WIPF1: variants seen among roughly 807,000 people sequenced by gnomAD.
WIPF1 encodes WAS/WASL-interacting protein family member 1.
In WIPF1, 13 loss-of-function variants were observed where a neutral mutation model predicts 35.4. The ratio of observed to expected loss-of-function variants is 0.37; its 90% CI spans 0.24 to 0.58. WIPF1 has a LOEUF of 0.58. Among genes scored for constraint, WIPF1 ranks in the 20% least tolerant of loss-of-function variants. The pLI is 0.74. For missense variants in WIPF1, 591 were observed against 667.0 expected, an observed-to-expected ratio of 0.89 and a Z score of 1.25; for synonymous variants, 267 against 266.3, an observed-to-expected ratio of 1.00 and a Z score of -0.02.
chr2:174,672,241 T>C (rs1688033131), intron 1 of WIPF1, among the ~76,000 whole-genome samples: 1 of 152,228 alleles, frequency 6.6e-6, no homozygotes, highest in South Asian at 2.1e-4. Flanking sequence ...TATGCACTAA[T>C]ACAGAATAAA....
intron 2 of WIPF1, among the ~76,000 whole-genome samples, chr2:174,583,524 C>A (rs555036918): frequency 5.3e-5 from 8 of 152,194 alleles, no homozygotes; most frequent in Non-Finnish European, 7.3e-5. Flanking sequence ...CACCAACCCA[C>A]CTTTTCCCTT....
intron 2 of WIPF1, among the ~76,000 whole-genome samples, chr2:174,582,071 C>A (rs1685260207): frequency 6.6e-6 from 1 of 152,214 alleles, no homozygotes; most frequent in Admixed American, 6.5e-5. Context: ...AGTTGTGAAA[C>A]CACCGTCACA....
intron 1 of WIPF1, among the ~76,000 whole-genome samples, chr2:174,662,860 T>C (rs978655872): frequency 1.3e-5 from 2 of 152,262 alleles, no homozygotes; most frequent in Admixed American, 1.3e-4. Flanking sequence ...ATCCTGGGTC[T>C]ATATGAGGAC....
intron 1 of WIPF1, among the ~76,000 whole-genome samples, chr2:174,596,573 T>C (rs1472914408): frequency 6.6e-6 from 1 of 152,208 alleles, no homozygotes; most frequent in Non-Finnish European, 1.5e-5. Flanking sequence ...CACCTCTCCA[T>C]TCTCTACTAC....
intron 1 of WIPF1, chr2:174,673,139 C>G (rs1174523601): frequency 6.6e-6 from 1 of 152,202 alleles, no homozygotes; most frequent in Non-Finnish European, 1.5e-5. Context: ...GCCAACTGGT[C>G]CTGATTCCTC....
chr2:174,630,744 G>C (rs1296878736), intron 1 of WIPF1: 1 of 152,146 alleles, frequency 6.6e-6, no homozygotes, highest in Admixed American at 6.5e-5. Flanking sequence ...ATTTTAGTTA[G>C]GAGACAACAT....
rs1684831085 is a variant in WIPF1 at position 174,571,412 on chromosome 2, C to A, written c.1129+264G>T. ...AGATGGAAGATGAAAGTTCTTGCCT[C>A]TTCTTTATTAACTAGCTCGTGACCA... On this transcript the variant is annotated intron_variant, in intron 5 of 7. Transcript: ENST00000679041. This position sits in a 1 kb window ranked among gnomAD's most constrained non-coding sequence, Gnocchi z 4.6. The A allele has an allele frequency of 6.5e-6, 4 of 613,706 alleles. No homozygotes were observed. Among genetic ancestry groups the A allele is most frequent in the Non-Finnish European group, 1.2e-5 (4 of 346,034 alleles). The allele number at this position is 613,706 out of a possible 1,614,324, so 38.0% of individuals were successfully genotyped here. A position where few individuals can be genotyped will look rare whatever the true frequency, so the allele number is the denominator to read the frequency against.
In WIPF1 at chr2:174,577,242, G is replaced by A. The variant is rs180775484; in HGVS notation, c.182-1862C>T. ...TTTCTAAATAAAATTTACTAAAAAT[G>A]TATTATCTTGCATTTTCTAGTATGC... On this transcript the variant is annotated intron_variant, in intron 3 of 7. Coordinates refer to ENST00000679041, the MANE Select transcript of WIPF1 (RefSeq NM_001375834.1). Among the ~76,000 whole-genome samples, 5 of 152,236 alleles carry A rather than the reference G, an allele frequency of 3.3e-5. No individual in the cohort carries two copies. The East Asian group carries it at 9.6e-4, about 29-fold the overall frequency.
intron 1 of WIPF1, among the ~76,000 whole-genome samples, chr2:174,681,914 C>A (rs1163117799): frequency 3.3e-5 from 5 of 152,210 alleles, no homozygotes; most frequent in African/African-American, 4.8e-5. Flanking sequence ...TTGTTAATCC[C>A]AAAGAGCTCA....
At chr2:174,671,313 T>G (rs562001322) in intron 1 of WIPF1, among the ~76,000 whole-genome samples, 1 of 152,356 alleles carries the variant, frequency 6.6e-6, no homozygotes, top group East Asian at 1.9e-4. Context: ...CTCTTGTGAT[T>G]TCCTATGCCT....
chr2:174,595,782 T>C (rs1685804495), intron 1 of WIPF1, among the ~76,000 whole-genome samples: 1 of 152,198 alleles, frequency 6.6e-6, no homozygotes, highest in Admixed American at 6.5e-5. Context: ...ATTCTAGTAT[T>C]TTTTTACAGT....
chr2:174,563,304 G>A (rs1684543780), intron 7 of WIPF1, among the ~76,000 whole-genome samples: 1 of 152,192 alleles, frequency 6.6e-6, no homozygotes, highest in Non-Finnish European at 1.5e-5. Flanking sequence ...AGTTGCAGTG[G>A]CTCACGCCTG....
intron 1 of WIPF1, among the ~76,000 whole-genome samples, chr2:174,632,709 C>CAAAAAAA (rs71024821): frequency 1.5e-5 from 1 of 68,906 alleles, no homozygotes; most frequent in Non-Finnish European, 2.6e-5. Flanking sequence ...AACTCCATCT[C>CAAAAAAA]AAAAAAAAAA....
intron 1 of WIPF1, among the ~76,000 whole-genome samples, chr2:174,595,117 T>A (rs1359196994): frequency 0.17 from 7,242 of 43,814 alleles, 755 homozygotes; most frequent in Non-Finnish European, 0.2. Flanking sequence ...AAAATATATA[T>A]ATATATATAT....
At chr2:174,577,391 G>A (rs999170484) in intron 3 of WIPF1, among the ~76,000 whole-genome samples, 13 of 152,096 alleles carry the variant, frequency 8.5e-5, no homozygotes, top group Admixed American at 3.9e-4. Flanking sequence ...AATTATTAAC[G>A]TTTCTAAAGG....
chr2:174,612,639 A>C (rs1686385882), intron 1 of WIPF1, among the ~76,000 whole-genome samples: 2 of 152,020 alleles, frequency 1.3e-5, no homozygotes, highest in South Asian at 4.1e-4. Context: ...TTTAGCTTGC[A>C]TACTCCCATC....
At chr2:174,628,866 G>A (rs1050587585) in intron 1 of WIPF1, among the ~76,000 whole-genome samples, 3 of 152,286 alleles carry the variant, frequency 2.0e-5, no homozygotes, top group South Asian at 2.1e-4. Context: ...GTCCCTTCTA[G>A]TTGTAAAAAA....
intron 1 of WIPF1, among the ~76,000 whole-genome samples, chr2:174,643,350 C>T (rs1178886955): frequency 2.0e-5 from 3 of 149,424 alleles, no homozygotes; most frequent in Non-Finnish European, 4.4e-5. Flanking sequence ...TTGTTAGCCT[C>T]CCACTATCAC....
At chr2:174,656,620 A>G in intron 1 of WIPF1, among the ~76,000 whole-genome samples, 1 of 152,224 alleles carries the variant, frequency 6.6e-6, no homozygotes, top group East Asian at 1.9e-4. Context: ...TAAAGTTAAG[A>G]AGTCCAACCA....
Sources: allele counts gnomAD v4.1 joint callset (sites outside exome capture counted in the v4.1 genomes callset), GRCh38; gene constraint gnomAD v4.1.1; non-coding constraint Gnocchi (gnomAD v3.1); transcripts MANE v1.5; gene names NCBI Gene and HGNC (gene_info 2026-07-23, HGNC 2026-07-21).